Variants in CSE1L observed in about 807,000 individuals in gnomAD.
CSE1L encodes the protein exportin-2.
A neutral mutation model predicts 120.4 loss-of-function variants in CSE1L; 24 were observed. The ratio of observed to expected loss-of-function variants is 0.20; its 90% CI spans 0.14 to 0.28. The LOEUF is 0.28. Ranked by LOEUF, CSE1L falls within the 10% of genes least tolerant of loss-of-function variation. The probability of loss-of-function intolerance (pLI) is 1.00; values close to 1 mark genes in which losing one functional copy is unlikely to be tolerated. For synonymous variants in CSE1L, 402 were observed against 398.3 expected, an observed-to-expected ratio of 1.01 and a Z score of -0.11; for missense variants, 830 against 1,145.2, an observed-to-expected ratio of 0.72 and a Z score of 3.97.
At chr20:49,086,728 T>C (rs2092061265) in intron 16 of CSE1L, among the ~76,000 whole-genome samples, 1 of 152,096 alleles carries the variant, frequency 6.6e-6, no homozygotes, top group Admixed American at 6.5e-5. Context: ...GTTTTTAGGG[T>C]ATGTAAGAAT....
intron 12 of CSE1L, among the ~76,000 whole-genome samples, chr20:49,076,373 A>G (rs539424807): frequency 6.6e-6 from 1 of 151,146 alleles, no homozygotes; most frequent in African/African-American, 2.4e-5. Context: ...TGTAGTAGAG[A>G]TGGGGTTTCT....
At chr20:49,085,939 T>C (rs1409657284) in intron 16 of CSE1L, among the ~76,000 whole-genome samples, 1 of 152,110 alleles carries the variant, frequency 6.6e-6, no homozygotes, top group Non-Finnish European at 1.5e-5. Context: ...TTCCCTAGAT[T>C]GAGTTTCTTT....
chr20:49,047,567 T>TTC, intron 1 of CSE1L, among the ~76,000 whole-genome samples: 2 of 43,364 alleles, frequency 4.6e-5, no homozygotes, highest in Non-Finnish European at 9.3e-5. Context: ...CTCTTTTCTT[T>TTC]TTTTTTTTTT....
chr20:49,046,942 G>T (rs1283569170), intron 1 of CSE1L, among the ~76,000 whole-genome samples: 1 of 152,206 alleles, frequency 6.6e-6, no homozygotes, highest in African/African-American at 2.4e-5. Flanking sequence ...TGAAGCCCCC[G>T]AACTCACCCT....
rs1269961660 is a variant in CSE1L, at chr20:49,076,992, C to A, written c.1348C>A (p.Gln450Lys). 2 of 1,603,600 alleles carry A rather than the reference C, an allele frequency of 1.2e-6. No homozygotes were observed. Among genetic ancestry groups the A allele is most frequent in the African/African-American group, 2.7e-5 (2 of 74,494 alleles). ...ATTTGCTTTTCAGCATGGAATTACA[C>A]AAGCAAATGAACTTGTAAACCTAAC... The part of the protein sequence containing the change: ...KAQTQKHGIT[Q>K]ANELVNLTEF... The change falls in exon 13 of 25, where the codon CAA becomes AAA. Residue 450 changes from glutamine (Q) to lysine (K), a missense_variant. By Grantham distance (53) the Gln-to-Lys change is moderately conservative (BLOSUM62 1). This residue lies in a region of CSE1L where 543 missense variants were observed against 640.2 expected (regional missense o/e 0.85). Coordinates refer to ENST00000262982, the MANE Select transcript of CSE1L (RefSeq NM_001316.4).
chr20:49,072,912 C>T (rs2091943358), intron 10 of CSE1L, among the ~76,000 whole-genome samples: 1 of 152,092 alleles, frequency 6.6e-6, no homozygotes, highest in South Asian at 2.1e-4. Flanking sequence ...TTCAAAAATT[C>T]CTTTACACTA....
chr20:49,058,518 C>G lies in CSE1L; in HGVS notation c.55C>G (p.Leu19Val). The G allele has an allele frequency of 6.2e-7, 1 of 1,613,752 alleles. No individual in the cohort carries two copies. The highest frequency in any genetic ancestry group is 8.5e-7 in the Non-Finnish European group (1 of 1,179,776). ...QTLTEYLKKT[L>V]DPDPAIRRPA... ...ACTAACAGAATATTTAAAGAAAACA[C>G]TTGATCCTGATCCTGCCATCCGACG... The change falls in exon 2 of 25, where the codon CTT (leucine) becomes GTT (valine). Residue 19 changes from leucine (L) to valine (V), a missense_variant. Leu to Val is a conservative substitution (Grantham distance 32, BLOSUM62 1). Around this residue, in one of 4 missense-constraint regions of CSE1L, gnomAD observed 543 missense variants for 640.2 expected, o/e 0.85. Coordinates refer to ENST00000262982, the MANE Select transcript of CSE1L (RefSeq NM_001316.4).
chr20:49,047,559 CTTTTCTTTT>C (rs2091726484), intron 1 of CSE1L, among the ~76,000 whole-genome samples: 1 of 61,088 alleles, frequency 1.6e-5, no homozygotes, highest in African/African-American at 6.7e-5. Context: ...TTTCTTTTCT[CTTTTCTTTT>C]TTTTTTTTTT....
Position 49,068,783 on chromosome 20 carries a change from G to T in CSE1L, c.636G>T (p.Leu212=). 1 of 1,612,928 alleles carries T rather than the reference G, an allele frequency of 6.2e-7. No individual in the cohort carries two copies. The highest frequency in any genetic ancestry group is 2.2e-5 in the East Asian group (1 of 44,874). Residue 212 remains leucine, a synonymous_variant, in exon 7 of 25, where the codon CTG becomes CTT. Transcript: ENST00000262982. The part of the protein sequence containing the change: ...ASALRILFSS[L]ILISKLFYSL... ...CCCTGAGGATTCTGTTTTCTTCCCT[G>T]ATCCTGATCTCAAAATTGTTCTATA...
intron 6 of CSE1L, among the ~76,000 whole-genome samples, chr20:49,068,307 G>A (rs998147938): frequency 6.6e-6 from 1 of 152,108 alleles, no homozygotes; most frequent in Non-Finnish European, 1.5e-5. Context: ...TAAAAGCCAA[G>A]GCTGGGCATG....
chr20:49,049,517 A>AGTTTGAGTCATTTGATCAAAAGT (rs770594998), intron 1 of CSE1L, among the ~76,000 whole-genome samples: 1 of 152,150 alleles, frequency 6.6e-6, no homozygotes, highest in South Asian at 2.1e-4. Flanking sequence ...AGTCATTTTT[A>AGTTTGAGTCATTTGATCAAAAGT]GATCAGTAAC....
At position 49,094,143 on chromosome 20, in the gene CSE1L, G is replaced by A. The variant is rs1214260105; in HGVS notation, c.2451G>A (p.Met817Ile). The A allele has an allele frequency of 6.6e-7, 1 of 1,526,520 alleles. No homozygotes were observed. The highest frequency in any genetic ancestry group is 1.4e-5 in the African/African-American group (1 of 72,468). The allele number at this position is 1,526,520 out of a possible 1,614,324, so 94.6% of individuals were successfully genotyped here. Residue 817 changes from methionine to isoleucine, a missense_variant, in exon 23 of 25, where the codon ATG (methionine) becomes ATA (isoleucine). This residue lies in a region of CSE1L where 112 missense variants were observed against 200.0 expected (regional missense o/e 0.56). Transcript: ENST00000262982. ...TTGATTTATTTTGCTTTAATAGAAT[G>A]TTTGGAATGGTTTTGGAAAAAATTA... ...QEIFDGIQPKMFGMVLEKIII... is the reference protein window; with the variant it reads ...QEIFDGIQPKIFGMVLEKIII...
chr20:49,096,075 A>G (rs1229862562), intron 24 of CSE1L: 2 of 589,030 alleles, frequency 3.4e-6, no homozygotes, highest in African/African-American at 3.7e-5. Flanking sequence ...TTCACGCGTA[A>G]GTACCTTATT....
Position 49,061,733 on chromosome 20 carries a change from G to C in CSE1L, c.86-1469G>C, listed in dbSNP as rs150843426. On this transcript the variant is annotated intron_variant, in intron 2 of 24. Coordinates refer to ENST00000262982, the MANE Select transcript of CSE1L (RefSeq NM_001316.4). ...TTAGTCAGGATGGTCTCGATTTCCT[G>C]ACCTTGTGATCCACTCGTCTCGGCC... Among the ~76,000 whole-genome samples the C allele has an allele frequency of 3.7e-3, 556 of 151,876 alleles. 3 individuals are homozygous for C. Among genetic ancestry groups the C allele is most frequent in the African/African-American group, 0.013 (520 of 41,404 alleles).
At position 49,072,427 on chromosome 20, in the gene CSE1L, A is replaced by G. The variant is rs748010901; in HGVS notation, c.910A>G (p.Thr304Ala). Reference sequence around the variant, plus strand: ...AGCCATCTGGAATTTACTAGTTACAACGGGTCAAGAGGTTAAATATGATTT... The same window carrying G: ...AGCCATCTGGAATTTACTAGTTACAGCGGGTCAAGAGGTTAAATATGATTT... ...VTAIWNLLVT[T>A]GQEVKYDLLV... Residue 304 changes from threonine to alanine, a missense_variant, in exon 9 of 25, where the codon ACG becomes GCG. Around this residue, in one of 4 missense-constraint regions of CSE1L, gnomAD observed 543 missense variants for 640.2 expected, o/e 0.85. Coordinates refer to ENST00000262982, the MANE Select transcript of CSE1L (RefSeq NM_001316.4). The G allele has an allele frequency of 3.7e-6, 6 of 1,614,104 alleles. No homozygotes were observed. The highest frequency in any genetic ancestry group is 4.5e-5 in the East Asian group (2 of 44,896).
At chr20:49,079,486 C>T (rs567515507) in intron 14 of CSE1L, among the ~76,000 whole-genome samples, 1 of 152,004 alleles carries the variant, frequency 6.6e-6, no homozygotes, top group East Asian at 1.9e-4. Flanking sequence ...CCTTGGCCTC[C>T]CAAAGTGCTG....
chr20:49,065,814 A>C (rs2091888261), intron 3 of CSE1L, among the ~76,000 whole-genome samples: 1 of 152,006 alleles, frequency 6.6e-6, no homozygotes, highest in South Asian at 2.1e-4. Flanking sequence ...GGCTGGTCTC[A>C]AACTCCTGAC....
intron 1 of CSE1L, among the ~76,000 whole-genome samples, chr20:49,057,900 G>A (rs904294951): frequency 2.6e-5 from 4 of 152,100 alleles, no homozygotes; most frequent in African/African-American, 9.7e-5. Flanking sequence ...CCAAAGTGCT[G>A]GGATTACAGG....
At chr20:49,054,765 T>G (rs1048888046) in intron 1 of CSE1L, among the ~76,000 whole-genome samples, 2 of 152,202 alleles carry the variant, frequency 1.3e-5, no homozygotes, top group Non-Finnish European at 2.9e-5. Context: ...TCCCCATACA[T>G]TAAATCATGG....
Sources: allele counts gnomAD v4.1 joint callset (sites outside exome capture counted in the v4.1 genomes callset), GRCh38; gene constraint gnomAD v4.1.1; regional missense constraint gnomAD v4.1.1; transcripts MANE v1.5; gene names NCBI Gene and HGNC (gene_info 2026-07-23, HGNC 2026-07-21).